ROBO2: variants seen among roughly 807,000 people sequenced by gnomAD.
ROBO2 encodes the protein roundabout homolog 2.
A neutral mutation model predicts 160.8 loss-of-function variants in ROBO2; 53 were observed. That is an observed-to-expected ratio of 0.33 (90% CI 0.26 to 0.41). The LOEUF (loss-of-function observed/expected upper bound fraction) is 0.41, where lower values mean the gene tolerates loss of function less well. ROBO2 is among the 10% of genes least tolerant of loss of function. The pLI is 1.00. For synonymous variants in ROBO2, 664 were observed against 611.7 expected (o/e 1.09, Z -1.26); for missense variants, 1,577 against 1,722.4 (o/e 0.92, Z 1.49).
chr3:77,538,491 C>T (rs938002578), intron 6 of ROBO2, among the ~76,000 whole-genome samples: 2 of 151,980 alleles, frequency 1.3e-5, no homozygotes, highest in Non-Finnish European at 2.9e-5. Context: ...ATTTACATTT[C>T]TTGGAAATAG....
At position 77,492,420 on chromosome 3, in the gene ROBO2, A is replaced by G. The variant is rs1444771539; in HGVS notation, c.668-824A>G. Among the ~76,000 whole-genome samples, 3 of 152,168 alleles carry G rather than the reference A, an allele frequency of 2.0e-5. No homozygotes were observed. The South Asian group carries it at 6.2e-4, about 31-fold the overall frequency. ...AAAAGATTTTTATGGATACAGACTT[A>G]TTTTTCTCTAGCCTTATGTAGAAGA... On this transcript the variant is annotated intron_variant, in intron 4 of 25. Coordinates refer to ENST00000461745, the Ensembl canonical transcript of ROBO2.
At chr3:75,986,818 T>A (rs2065428259) in intron 2 of ROBO2, among the ~76,000 whole-genome samples, 1 of 151,706 alleles carries the variant, frequency 6.6e-6, no homozygotes, top group South Asian at 2.1e-4. Flanking sequence ...TTTATTTTTT[T>A]TTAAGATTGT....
chr3:77,477,205 G>A (rs2084116864), intron 2 of ROBO2, among the ~76,000 whole-genome samples: 1 of 152,036 alleles, frequency 6.6e-6, no homozygotes, highest in South Asian at 2.1e-4. Flanking sequence ...TTTGACCAAA[G>A]GTGCATGATA....
Position 77,466,939 on chromosome 3 carries a change from G to A in ROBO2, c.389-10475G>A, listed in dbSNP as rs74455316. On this transcript the variant is annotated intron_variant, in intron 2 of 25. Coordinates refer to ENST00000461745, the Ensembl canonical transcript of ROBO2. ...GAATACACAACAGTAGAGAAATATC[G>A]GAGCAATAACACGTTGATACCAGGA... Among the ~76,000 whole-genome samples the A allele has an allele frequency of 1.4e-4, 21 of 152,240 alleles. No homozygotes were observed. The East Asian group carries it at 2.3e-3, about 17-fold the overall frequency.
At chr3:77,556,351 A>G (rs538761516) in intron 8 of ROBO2, among the ~76,000 whole-genome samples, 8 of 152,060 alleles carry the variant, frequency 5.3e-5, no homozygotes, top group Admixed American at 5.3e-4. Flanking sequence ...GCAGTGAAAT[A>G]AATGATTCTA....
At chr3:77,391,528 A>G (rs1304788121) in intron 2 of ROBO2, among the ~76,000 whole-genome samples, 1 of 151,758 alleles carries the variant, frequency 6.6e-6, no homozygotes, top group African/African-American at 2.4e-5. Flanking sequence ...GTGTAGGGGA[A>G]CTCTCCTTTA....
At chr3:76,841,046 C>T (rs6548455) in intron 2 of ROBO2, among the ~76,000 whole-genome samples, 19,483 of 151,878 alleles carry the variant, frequency 0.13, 1,390 homozygotes, top group East Asian at 0.24. Context: ...AGTAGAAAGG[C>T]GATACACAAG....
At position 76,548,657 on chromosome 3, in the gene ROBO2, C is replaced by T. The variant is rs540491559; in HGVS notation, c.110-549357C>T. ...GAGGATTTTTTTTTTTTTTAATAGA[C>T]GGGAGAAGTCAAGGAGAAAGCAATA... On this transcript the variant is annotated intron_variant, in intron 2 of 26. Coordinates refer to the ROBO2 transcript ENST00000487694. Among the ~76,000 whole-genome samples the T allele has an allele frequency of 1.9e-4, 28 of 145,008 alleles. No homozygotes were observed. The East Asian group carries it at 4.0e-3, about 21-fold the overall frequency.
chr3:76,362,527 CCT>C (rs1270958319), intron 2 of ROBO2, among the ~76,000 whole-genome samples: 1 of 151,990 alleles, frequency 6.6e-6, no homozygotes, highest in Non-Finnish European at 1.5e-5. Context: ...AGGTGAATAA[CCT>C]CTCTAGATTT....
chr3:77,498,705 T>C (rs1582479724), intron 5 of ROBO2, among the ~76,000 whole-genome samples: 2 of 152,082 alleles, frequency 1.3e-5, no homozygotes, highest in Non-Finnish European at 2.9e-5. Flanking sequence ...AGCTCTATTG[T>C]TTAGAGCATG....
chr3:76,934,752 A>G (rs990365357), intron 2 of ROBO2, among the ~76,000 whole-genome samples: 1 of 151,762 alleles, frequency 6.6e-6, no homozygotes. Context: ...AAAAACAAAA[A>G]CAAAAGCAAG....
At chr3:76,157,290 G>A (rs2072444196) in intron 2 of ROBO2, among the ~76,000 whole-genome samples, 1 of 151,984 alleles carries the variant, frequency 6.6e-6, no homozygotes, top group Non-Finnish European at 1.5e-5. Context: ...CTGTATTTTT[G>A]TCTATAGAGA....
chr3:76,500,197 C>T (rs1020116257), intron 2 of ROBO2, among the ~76,000 whole-genome samples: 6 of 152,226 alleles, frequency 3.9e-5, no homozygotes, highest in East Asian at 1.9e-4. Context: ...CAGCTCACTG[C>T]GTCCTTGACT....
At chr3:76,100,266 C>T (rs145593644) in intron 2 of ROBO2, among the ~76,000 whole-genome samples, 1 of 152,224 alleles carries the variant, frequency 6.6e-6, no homozygotes, top group East Asian at 1.9e-4. Flanking sequence ...TGATTTCAGG[C>T]TCAATAGAAT....
At chr3:77,546,254 A>C in intron 6 of ROBO2, 84 bp from the exon 8 acceptor site, 1 of 1,454,400 alleles carries the variant, frequency 6.9e-7, no homozygotes, top group Non-Finnish European at 9.6e-7. Flanking sequence ...CTGAACAGTC[A>C]ACATAGTACC....
chr3:76,023,485 A>G lies in ROBO2; in HGVS notation c.109+85883A>G, dbSNP rs554137469. On this transcript the variant is annotated intron_variant, in intron 2 of 26. Transcript: ENST00000487694. ...ATTTTAATATTGTTGTGTCTCAGCG[A>G]ATAGTGAGGCTTGAGGAGAAGAAGA... 4.6e-5 allele frequency among the ~76,000 whole-genome samples: 7 copies of G among 151,744 alleles called. 1 individual carries two copies. The highest frequency in any genetic ancestry group is 4.6e-4 in the Admixed American group (7 of 15,176).
intron 5 of ROBO2, among the ~76,000 whole-genome samples, chr3:77,506,872 A>G (rs2088611459): frequency 6.6e-6 from 1 of 152,150 alleles, no homozygotes; most frequent in Admixed American, 6.6e-5. Context: ...CTGAGATATG[A>G]TGGTTATACA....
chr3:76,805,167 A>C (rs1268496709), intron 2 of ROBO2, among the ~76,000 whole-genome samples: 2 of 152,090 alleles, frequency 1.3e-5, no homozygotes, highest in African/African-American at 4.8e-5. Flanking sequence ...TAGAGTATTC[A>C]ATTTTAACTG....
chr3:77,565,254 A>T, intron 12 of ROBO2, 134 bp downstream of exon 13: 2 of 1,039,740 alleles, frequency 1.9e-6, no homozygotes, highest in Non-Finnish European at 3.0e-6. Flanking sequence ...TATCCAGGGA[A>T]GGAGAAGGTA....
Sources: allele counts gnomAD v4.1 joint callset (sites outside exome capture counted in the v4.1 genomes callset), GRCh38; gene constraint gnomAD v4.1.1; transcripts MANE v1.5; gene names NCBI Gene and HGNC (gene_info 2026-07-23, HGNC 2026-07-21).